METRN: variants seen among roughly 807,000 people sequenced by gnomAD.
METRN encodes the protein meteorin, glial cell differentiation regulator.
In METRN, 17 loss-of-function variants were observed where a neutral mutation model predicts 17.4. That is an observed-to-expected ratio of 0.98 (90% CI 0.67 to 1.46). METRN has a LOEUF of 1.46. Among genes scored for constraint, METRN ranks in the 40% most tolerant of loss-of-function variants. The pLI is 0.00. For synonymous variants in METRN, 230 were observed against 210.8 expected, an observed-to-expected ratio of 1.09 and a Z score of -0.79; for missense variants, 489 against 456.2, an observed-to-expected ratio of 1.07 and a Z score of -0.65.
In METRN at chr16:717,189, CG is replaced by C. The variant is rs757351901; in HGVS notation, c.688del (p.Asp230ThrfsTer4). The C allele has an allele frequency of 1.2e-6, 2 of 1,601,160 alleles. No individual in the cohort carries two copies. Reference protein sequence around the residue: ...TPPLFQAGRSGDQGLTSIRTP... With the variant: ...TPPLFQAGRSXDQGLTSIRTP... ...CGCCGCTGTTCCAGGCGGGGCGATCCGGGGACCAGGGGCTGACCTCCATTCG... is the reference window on the plus strand; with the variant it reads ...CGCCGCTGTTCCAGGCGGGGCGATCCGGGACCAGGGGCTGACCTCCATTCG... On this transcript the variant is annotated frameshift_variant, in exon 4 of 4. Transcript: ENST00000568223. LOFTEE classifies it low-confidence loss of function (END_TRUNC).
At chr16:716,482 C>G (rs1220790788) in intron 2 of METRN, 76 of 1,466,034 alleles carry the variant, frequency 5.2e-5, no homozygotes, top group Non-Finnish European at 6.7e-5. Flanking sequence ...GGGATGGGCT[C>G]TCGCTATTCT....
At position 718,475 on chromosome 16, in the gene METRN, C is replaced by G. The variant is rs2040179035; in HGVS notation, c.*1088C>G. 1 of 152,290 alleles carries G rather than the reference C, an allele frequency of 6.6e-6. No homozygotes were observed. The allele number at this position is 152,290 out of a possible 1,614,324, so 9.4% of individuals were successfully genotyped here. A position where few individuals can be genotyped will look rare whatever the true frequency, so the allele number is the denominator to read the frequency against. On this transcript the variant is annotated 3_prime_UTR_variant, in exon 4 of 4. Coordinates refer to ENST00000568223, the MANE Select transcript of METRN (RefSeq NM_024042.4). ...CCAGGCAGATGAAGCCCCCAGCTTT[C>G]AAGGGGGAAACTGAGGCTGTGTGAG...
chr16:717,105 C>T lies in METRN; in HGVS notation c.600C>T (p.Asp200=), dbSNP rs373298197. Residue 200 remains aspartate, a synonymous_variant, in exon 4 of 4, where the codon GAC becomes GAT. Transcript: ENST00000568223. ...GGATCATCCATGGGGTCACCCATGA[C>T]GTGGAGCTGCAGGAGTCTGTCATCA... ...IHGIIHGVTH[D]VELQESVITV... 43 of 1,604,966 alleles carry T rather than the reference C, an allele frequency of 2.7e-5. No individual in the cohort carries two copies. In the Middle Eastern group the frequency reaches 6.6e-4, roughly 25 times the overall value.
chr16:717,325 C>T lies in METRN; in HGVS notation c.820C>T (p.Arg274Cys), dbSNP rs61391312. 75 of 1,501,160 alleles carry T rather than the reference C, an allele frequency of 5.0e-5. No individual in the cohort carries two copies. The African/African-American group carries it at 7.3e-4, about 15-fold the overall frequency. 93.0% of individuals were successfully genotyped at this position (1,501,160 alleles called of 1,614,324 possible). A position where few individuals can be genotyped will look rare whatever the true frequency, so the allele number is the denominator to read the frequency against. Reference protein sequence around the residue: ...LGCAPRFQEFRRAYEAARAAH... With the variant: ...LGCAPRFQEFCRAYEAARAAH... ...CTGTGCCCCACGATTCCAGGAGTTC[C>T]GCCGTGCCTACGAGGCTGCCCGTGC... The change falls in exon 4 of 4, where the codon CGC becomes TGC. Residue 274 changes from arginine (R) to cysteine (C), a missense_variant. Arg to Cys is a radical substitution (Grantham distance 180). Coordinates refer to ENST00000568223, the MANE Select transcript of METRN (RefSeq NM_024042.4).
Position 717,202 on chromosome 16 carries a change from CT to C in METRN, c.698del (p.Leu233ArgfsTer82). 1 of 1,599,042 alleles carries C rather than the reference CT, an allele frequency of 6.3e-7. No individual in the cohort carries two copies. The highest frequency in any genetic ancestry group is 1.3e-5 in the African/African-American group (1 of 74,820). ...FQAGRSGDQGLTSIRTPLRCG... is the reference protein window; with the variant it reads ...FQAGRSGDQGXTSIRTPLRCG... ...GGCGGGGCGATCCGGGGACCAGGGG[CT>C]GACCTCCATTCGTACCCCACTGCGC... On this transcript the variant is annotated frameshift_variant, in exon 4 of 4. Coordinates refer to ENST00000568223, the MANE Select transcript of METRN (RefSeq NM_024042.4). LOFTEE classifies it low-confidence loss of function (END_TRUNC).
In METRN at chr16:715,973, TC is replaced by T; in HGVS notation, c.495del (p.Gly166AlafsTer2). 6.8e-7 allele frequency: 1 copy of T among 1,479,974 alleles called. No individual in the cohort carries two copies. The highest frequency in any genetic ancestry group is 8.9e-7 in the Non-Finnish European group (1 of 1,122,312). The allele number at this position is 1,479,974 out of a possible 1,614,324, so 91.7% of individuals were successfully genotyped here. A position where few individuals can be genotyped will look rare whatever the true frequency, so the allele number is the denominator to read the frequency against. On this transcript the variant is annotated frameshift_variant, in exon 2 of 4. Coordinates refer to ENST00000568223, the MANE Select transcript of METRN (RefSeq NM_024042.4). LOFTEE classifies it high-confidence loss of function. ...RPELPPQAHG[L>X]GVDGACRPCS... The stretch of plus-strand genomic sequence containing the variant: ...GAGCTGCCCCCGCAGGCCCACGGTC[TC>T]GGCGTAGACGGTGAGTGGCGGTCTG...
intron 2 of METRN, 25 bp downstream of exon 2, chr16:716,009 G>A (rs927845093): frequency 7.6e-6 from 11 of 1,444,164 alleles, no homozygotes; most frequent in South Asian, 1.4e-5. Context: ...GGTTGGGACA[G>A]GGTGGGAGTC....
rs751153771 is a variant in METRN at position 717,369 on chromosome 16, C to T, written c.864C>T (p.Cys288=). The change falls in exon 4 of 4, where the codon TGC becomes TGT. Residue 288 remains cysteine (C), a synonymous_variant. Coordinates refer to ENST00000568223, the MANE Select transcript of METRN (RefSeq NM_024042.4). ...EAARAAHLHP[C]EVALH is the part of the protein sequence containing the mutation. ...CCCGTGCTGCCCACCTCCACCCCTG[C>T]GAGGTGGCGCTGCACTGAGGGGCTG... The T allele has an allele frequency of 6.5e-5, 90 of 1,391,420 alleles. No homozygotes were observed. The highest frequency in any genetic ancestry group is 1.9e-4 in the Middle Eastern group (1 of 5,198). 86.2% of individuals were successfully genotyped at this position (1,391,420 alleles called of 1,614,324 possible). A position where few individuals can be genotyped will look rare whatever the true frequency, so the allele number is the denominator to read the frequency against.
Position 715,904 on chromosome 16 carries a change from G to C in METRN, c.425G>C (p.Arg142Pro), listed in dbSNP as rs1026838572. ...ACGCCGCACCAGGACATCAGCCGCC[G>C]CGTGGCCGCCTTCCGCTTTGAGCTG... ...QATPHQDISR[R>P]VAAFRFELRE... The change falls in exon 2 of 4, where the codon CGC becomes CCC. Residue 142 changes from arginine (R) to proline (P), a missense_variant. Physicochemically the swap from Arg to Pro is moderately radical, Grantham distance 103 (BLOSUM62 -2). Transcript: ENST00000568223. 1.4e-6 allele frequency: 2 copies of C among 1,471,848 alleles called. No individual in the cohort carries two copies. Among genetic ancestry groups the C allele is most frequent in the African/African-American group, 2.9e-5 (2 of 67,958 alleles). The allele number at this position is 1,471,848 out of a possible 1,614,324, so 91.2% of individuals were successfully genotyped here.
chr16:716,222 G>T, intron 2 of METRN: 1 of 985,414 alleles, frequency 1.0e-6, no homozygotes. Flanking sequence ...AGGGGAGGCC[G>T]GGCCCAGCAA....
Position 717,364 on chromosome 16 carries a change from C to T in METRN, c.859C>T (p.Pro287Ser), listed in dbSNP as rs1374880641. ...GGCTGCCCGTGCTGCCCACCTCCACCCCTGCGAGGTGGCGCTGCACTGAGG... is the reference window on the plus strand; with the variant it reads ...GGCTGCCCGTGCTGCCCACCTCCACTCCTGCGAGGTGGCGCTGCACTGAGG... ...YEAARAAHLH[P>S]CEVALH is the part of the protein sequence containing the mutation. The change falls in exon 4 of 4, where the codon CCC (proline) becomes TCC (serine). Residue 287 changes from proline to serine, a missense_variant. By Grantham distance (74) the Pro-to-Ser change is moderately conservative (BLOSUM62 -1). Transcript: ENST00000568223. 6.8e-7 allele frequency: 1 copy of T among 1,461,292 alleles called. No individual in the cohort carries two copies. The highest frequency in any genetic ancestry group is 1.4e-5 in the South Asian group (1 of 71,234). 90.5% of individuals were successfully genotyped at this position (1,461,292 alleles called of 1,614,324 possible).
chr16:715,275 G>T lies in METRN; in HGVS notation c.-15G>T, dbSNP rs753967335. On this transcript the variant is annotated 5_prime_UTR_variant, in exon 1 of 4. Transcript: ENST00000568223. ...TGGTGAGAGCCCCGACTCCCCGGACGCCGCCCGCCGTGCCATGGGGTTCCC... is the reference window on the plus strand; with the variant it reads ...TGGTGAGAGCCCCGACTCCCCGGACTCCGCCCGCCGTGCCATGGGGTTCCC... The T allele has an allele frequency of 4.6e-6, 6 of 1,294,482 alleles. No homozygotes were observed. The South Asian group carries it at 1.2e-4, about 26-fold the overall frequency. 80.2% of individuals were successfully genotyped at this position (1,294,482 alleles called of 1,614,324 possible). A position where few individuals can be genotyped will look rare whatever the true frequency, so the allele number is the denominator to read the frequency against.
In METRN at chr16:716,817, C is replaced by T. The variant is rs140457707; in HGVS notation, c.506-116C>T. 6.7e-4 allele frequency: 1,000 copies of T among 1,503,596 alleles called. 11 individuals carry two copies. The East Asian group carries it at 0.018, about 26-fold the overall frequency. 93.1% of individuals were successfully genotyped at this position (1,503,596 alleles called of 1,614,324 possible). ...CCCCCAGGTGCCATCAGGCCCTGAG[C>T]GTGGGCTCTGCTCATTTGCCTGCTG... On this transcript the variant is annotated intron_variant, in intron 2 of 3. Transcript: ENST00000568223.
Position 715,743 on chromosome 16 carries a change from C to A in METRN, c.264C>A (p.Pro88=). The change falls in exon 2 of 4, where the codon CCC becomes CCA. Residue 88 remains proline, a synonymous_variant. Coordinates refer to ENST00000568223, the MANE Select transcript of METRN (RefSeq NM_024042.4). The part of the protein sequence containing the change: ...PGIACLRPVR[P]FAGAQVFAER... ...TCGCCTGTCTGCGGCCGGTGCGGCCCTTCGCGGGCGCCCAGGTCTTCGCGG... is the reference window on the plus strand; with the variant it reads ...TCGCCTGTCTGCGGCCGGTGCGGCCATTCGCGGGCGCCCAGGTCTTCGCGG... The A allele has an allele frequency of 7.7e-7, 1 of 1,296,194 alleles. No individual in the cohort carries two copies. The highest frequency in any genetic ancestry group is 2.3e-5 in the South Asian group (1 of 43,598). The allele number at this position is 1,296,194 out of a possible 1,614,324, so 80.3% of individuals were successfully genotyped here. A position where few individuals can be genotyped will look rare whatever the true frequency, so the allele number is the denominator to read the frequency against.
rs1346465977 is a variant in METRN at position 717,397 on chromosome 16, TGCTGGGGAGGG to T, written c.*16_*26del. ...GGTGGCGCTGCACTGAGGGGCTGGG[TGCTGGGGAGGG>T]GCTGGTAGGAGGGAGGGTGGGCCCA... On this transcript the variant is annotated 3_prime_UTR_variant, in exon 4 of 4. Coordinates refer to ENST00000568223, the MANE Select transcript of METRN (RefSeq NM_024042.4). The T allele has an allele frequency of 8.0e-7, 1 of 1,244,134 alleles. No individual in the cohort carries two copies. Among genetic ancestry groups the T allele is most frequent in the Non-Finnish European group, 1.0e-6 (1 of 965,010 alleles). The allele number at this position is 1,244,134 out of a possible 1,614,324, so 77.1% of individuals were successfully genotyped here.
Position 715,817 on chromosome 16 carries a change from CG to C in METRN, c.340del (p.Ala114GlnfsTer54). 1 of 1,267,352 alleles carries C rather than the reference CG, an allele frequency of 7.9e-7. No homozygotes were observed. The highest frequency in any genetic ancestry group is 2.8e-5 in the South Asian group (1 of 35,290). The allele number at this position is 1,267,352 out of a possible 1,614,324, so 78.5% of individuals were successfully genotyped here. A position where few individuals can be genotyped will look rare whatever the true frequency, so the allele number is the denominator to read the frequency against. On this transcript the variant is annotated frameshift_variant, in exon 2 of 4. Transcript: ENST00000568223. LOFTEE classifies it high-confidence loss of function. Reference protein sequence around the residue: ...LELLLAEGPGPAGGRCVRWGP... With the variant: ...LELLLAEGPGXAGGRCVRWGP... ...CTGCTGCTGGCCGAGGGCCCGGGCC[CG>C]GCAGGGGGCCGCTGCGTGCGCTGGG... is the stretch of plus-strand genomic sequence containing the variant.
In METRN at chr16:717,420, G is replaced by A. The variant is rs1394600127; in HGVS notation, c.*33G>A. 1.5e-6 allele frequency: 2 copies of A among 1,360,162 alleles called. No homozygotes were observed. Among genetic ancestry groups the A allele is most frequent in the Non-Finnish European group, 1.9e-6 (2 of 1,049,426 alleles). 84.3% of individuals were successfully genotyped at this position (1,360,162 alleles called of 1,614,324 possible). A position where few individuals can be genotyped will look rare whatever the true frequency, so the allele number is the denominator to read the frequency against. On this transcript the variant is annotated 3_prime_UTR_variant, in exon 4 of 4. Coordinates refer to ENST00000568223, the MANE Select transcript of METRN (RefSeq NM_024042.4). ...GGTGCTGGGGAGGGGCTGGTAGGAG[G>A]GAGGGTGGGCCCACTGCTTTGGAGG...
In METRN at chr16:715,744, T is replaced by A; in HGVS notation, c.265T>A (p.Phe89Ile). The change falls in exon 2 of 4, where the codon TTC becomes ATC. Residue 89 changes from phenylalanine to isoleucine, a missense_variant. Physicochemically the swap from Phe to Ile is conservative, Grantham distance 21. Coordinates refer to ENST00000568223, the MANE Select transcript of METRN (RefSeq NM_024042.4). ...CGCCTGTCTGCGGCCGGTGCGGCCC[T>A]TCGCGGGCGCCCAGGTCTTCGCGGA... ...GIACLRPVRP[F>I]AGAQVFAERA... The A allele has an allele frequency of 7.7e-7, 1 of 1,293,508 alleles. No homozygotes were observed. Among genetic ancestry groups the A allele is most frequent in the African/African-American group, 1.6e-5 (1 of 64,352 alleles). 80.1% of individuals were successfully genotyped at this position (1,293,508 alleles called of 1,614,324 possible).
In METRN at chr16:715,804, G is replaced by T; in HGVS notation, c.325G>T (p.Glu109Ter). The change falls in exon 2 of 4, where the codon GAG becomes TAG. Residue 109 changes from glutamate (E) to a stop codon, truncating the protein, a stop_gained. Coordinates refer to ENST00000568223, the MANE Select transcript of METRN (RefSeq NM_024042.4). LOFTEE classifies it high-confidence loss of function. Reference protein sequence around the residue: ...AGGALELLLAEGPGPAGGRCV... With the variant: ...AGGALELLLA ...GGGCGCCCTGGAGCTGCTGCTGGCC[G>T]AGGGCCCGGGCCCGGCAGGGGGCCG... 2 of 1,258,878 alleles carry T rather than the reference G, an allele frequency of 1.6e-6. No individual in the cohort carries two copies. The highest frequency in any genetic ancestry group is 3.0e-5 in the South Asian group (1 of 33,258). The allele number at this position is 1,258,878 out of a possible 1,614,324, so 78.0% of individuals were successfully genotyped here.
Sources: allele counts gnomAD v4.1 joint callset, GRCh38; gene constraint gnomAD v4.1.1; transcripts MANE v1.5; gene names NCBI Gene and HGNC (gene_info 2026-07-23, HGNC 2026-07-21).